Variants in UTP4 observed in about 807,000 individuals in gnomAD.
UTP4 encodes the protein U3 small nucleolar RNA-associated protein 4 homolog.
A neutral mutation model predicts 82.4 loss-of-function variants in UTP4; 45 were observed. That is an observed-to-expected ratio of 0.55 (90% CI 0.43 to 0.70). The LOEUF is 0.70. UTP4 is among the 30% of genes least tolerant of loss of function. UTP4 has a pLI of 0.00. For synonymous variants in UTP4, 348 were observed against 300.3 expected (o/e 1.16, Z -1.64); for missense variants, 819 against 858.3 (o/e 0.95, Z 0.57).
At chr16:69,153,435 T>C (rs1339790486) in intron 8 of UTP4, 149 bp from the exon 9 acceptor site, 1 of 689,228 alleles carries the variant, frequency 1.5e-6, no homozygotes, top group Non-Finnish European at 2.6e-6. Flanking sequence ...CTCAGGGCAG[T>C]GCCTGGCATA....
chr16:69,154,238 C>T (rs1421520331), intron 9 of UTP4, among the ~76,000 whole-genome samples, 155 bp from the exon 10 acceptor site: 2 of 152,266 alleles, frequency 1.3e-5, no homozygotes, highest in East Asian at 3.9e-4. Flanking sequence ...TCTTCATATA[C>T]CCCTCAAAAA....
chr16:69,158,441 G>C (rs1034282071), intron 12 of UTP4, among the ~76,000 whole-genome samples: 12 of 152,004 alleles, frequency 7.9e-5, no homozygotes, highest in Non-Finnish European at 1.6e-4. Context: ...TAGGATTACA[G>C]GTGTGAGTCA....
chr16:69,165,240 A>G, intron 14 of UTP4, 101 bp from the exon 15 acceptor site: 1 of 981,578 alleles, frequency 1.0e-6, no homozygotes, highest in Non-Finnish European at 1.6e-6. Context: ...AATATAATAC[A>G]GTTGAAGCTT....
At chr16:69,168,384 C>T (rs182221159) in intron 16 of UTP4, among the ~76,000 whole-genome samples, 260 of 133,596 alleles carry the variant, frequency 1.9e-3, no homozygotes, top group Middle Eastern at 6.0e-3. Flanking sequence ...TGCCGTGAGC[C>T]GAGATTGCGC....
At chr16:69,138,152 C>T (rs1225634918) in intron 4 of UTP4, 1 of 471,970 alleles carries the variant, frequency 2.1e-6, no homozygotes, top group Non-Finnish European at 3.8e-6. Context: ...TGTTAGTTAT[C>T]ACTTACTTTT....
chr16:69,168,883 T>A lies in UTP4; in HGVS notation c.2007T>A (p.Asp669Glu). The A allele has an allele frequency of 6.2e-7, 1 of 1,614,126 alleles. No individual in the cohort carries two copies. Residue 669 changes from aspartate to glutamate, a missense_variant, in exon 17 of 17, where the codon GAT (aspartate) becomes GAA (glutamate). Coordinates refer to ENST00000314423, the MANE Select transcript of UTP4 (RefSeq NM_032830.3). The part of the protein sequence containing the change: ...RTLVAVERPL[D>E]DIIAQLPPPI... ...TCGTGGCAGTAGAACGGCCTCTGGA[T>A]GACATCATTGCTCAGCTCCCACCAC...
intron 13 of UTP4, among the ~76,000 whole-genome samples, chr16:69,161,415 A>G (rs929319688): frequency 1.3e-5 from 2 of 152,240 alleles, no homozygotes; most frequent in Non-Finnish European, 2.9e-5. Context: ...TTATGGTAGG[A>G]GCATGTACTG....
intron 2 of UTP4, among the ~76,000 whole-genome samples, chr16:69,134,695 T>TC (rs1228455657): frequency 1.3e-5 from 2 of 151,030 alleles, no homozygotes; most frequent in African/African-American, 4.9e-5. Flanking sequence ...TCTTTTTTTT[T>TC]CTTTTTCTTT....
rs993931875 is a variant in UTP4, at chr16:69,150,744, C to T, written c.910+36C>T. On this transcript the variant is annotated intron_variant, in intron 7 of 16. Coordinates refer to ENST00000314423, the MANE Select transcript of UTP4 (RefSeq NM_032830.3). ...CCTCTGGTGAGGCTGCTGCTTTACC[C>T]TGCCCAGTTCTGGCTGTTCTCGTGA... 4 of 1,613,666 alleles carry T rather than the reference C, an allele frequency of 2.5e-6. No individual in the cohort carries two copies. In the African/African-American group the frequency reaches 4.0e-5, roughly 16 times the overall value.
At chr16:69,151,950 A>G (rs1347951405) in intron 8 of UTP4, among the ~76,000 whole-genome samples, 1 of 151,492 alleles carries the variant, frequency 6.6e-6, no homozygotes, top group African/African-American at 2.4e-5. Context: ...TGCCCCATTC[A>G]TTCAAGCAGT....
chr16:69,163,992 C>G (rs998255948), intron 14 of UTP4, among the ~76,000 whole-genome samples: 1 of 150,366 alleles, frequency 6.7e-6, no homozygotes, highest in African/African-American at 2.5e-5. Flanking sequence ...TTCATGTCAT[C>G]CTCCTGCCTC....
Position 69,160,393 on chromosome 16 carries a change from A to G in UTP4, c.1482A>G (p.Pro494=). ...CCATGTGTCTTTTGGCAGTCAGTCC[A>G]GATGGGAATTGGCTAGCTGCATCAG... ...VEAMCLLAVS[P]DGNWLAASGT... The change falls in exon 13 of 17, where the codon CCA becomes CCG. Residue 494 remains proline (P), a synonymous_variant. Transcript: ENST00000314423. 6.2e-7 allele frequency: 1 copy of G among 1,614,166 alleles called. No homozygotes were observed. Among genetic ancestry groups the G allele is most frequent in the Non-Finnish European group, 8.5e-7 (1 of 1,180,010 alleles).
At position 69,150,395 on chromosome 16, in the gene UTP4, G is replaced by A; in HGVS notation, c.739-142G>A. Reference sequence around the variant, plus strand: ...CCTTTGATGGAATCCTTAGCTTCTGGAAGGAAAAGACCCTTGTAACTTTCC... The same window carrying A: ...CCTTTGATGGAATCCTTAGCTTCTGAAAGGAAAAGACCCTTGTAACTTTCC... On this transcript the variant is annotated intron_variant, in intron 6 of 16. Transcript: ENST00000314423. 9 of 942,124 alleles carry A rather than the reference G, an allele frequency of 9.6e-6. No homozygotes were observed. The South Asian group carries it at 1.2e-4, about 12-fold the overall frequency. The allele number at this position is 942,124 out of a possible 1,614,324, so 58.4% of individuals were successfully genotyped here. A position where few individuals can be genotyped will look rare whatever the true frequency, so the allele number is the denominator to read the frequency against.
chr16:69,153,310 C>T (rs985908113), intron 8 of UTP4, among the ~76,000 whole-genome samples: 19 of 152,024 alleles, frequency 1.2e-4, no homozygotes, highest in African/African-American at 3.1e-4. Context: ...TGTGTTTAGC[C>T]GTGTTAAAAT....
chr16:69,135,126 C>G (rs1340072042), intron 2 of UTP4, among the ~76,000 whole-genome samples: 1 of 151,148 alleles, frequency 6.6e-6, no homozygotes, highest in African/African-American at 2.4e-5. Context: ...TTCTTCCATG[C>G]TGAACTTCCA....
chr16:69,153,591 T>A lies in UTP4; in HGVS notation c.1010T>A (p.Leu337His). Residue 337 changes from leucine (L) to histidine (H), a missense_variant, in exon 9 of 17, where the codon CTC (leucine) becomes CAC (histidine). By Grantham distance (99) the Leu-to-His change is moderately conservative (BLOSUM62 -3). Coordinates refer to ENST00000314423, the MANE Select transcript of UTP4 (RefSeq NM_032830.3). ...LRKITFPHRC[L>H]ISCSKKRQLL... ...CTTGATTCTTGGATATAGCGATGTC[T>A]CATCTCCTGTTCTAAAAAGAGGCAG... is the stretch of plus-strand genomic sequence containing the variant. The A allele has an allele frequency of 6.2e-7, 1 of 1,612,318 alleles. No individual in the cohort carries two copies. Among genetic ancestry groups the A allele is most frequent in the Non-Finnish European group, 8.5e-7 (1 of 1,178,814 alleles).
intron 12 of UTP4, among the ~76,000 whole-genome samples, chr16:69,159,720 G>T (rs757291314): frequency 6.6e-5 from 10 of 151,486 alleles, no homozygotes; most frequent in Non-Finnish European, 1.5e-4. Context: ...AGGCACGGTG[G>T]CTCACGCCTG....
At chr16:69,142,540 A>G (rs529010438) in intron 5 of UTP4, among the ~76,000 whole-genome samples, 1 of 152,188 alleles carries the variant, frequency 6.6e-6, no homozygotes, top group East Asian at 1.9e-4. Context: ...TTGAAGCCCC[A>G]CTTACTCCTT....
At chr16:69,151,799 A>G (rs1336784492) in intron 8 of UTP4, among the ~76,000 whole-genome samples, 3 of 150,946 alleles carry the variant, frequency 2.0e-5, no homozygotes, top group African/African-American at 7.3e-5. Flanking sequence ...TTTTCCAAAT[A>G]GTTGTGGGTT....
Sources: allele counts gnomAD v4.1 joint callset (sites outside exome capture counted in the v4.1 genomes callset), GRCh38; gene constraint gnomAD v4.1.1; transcripts MANE v1.5; gene names NCBI Gene and HGNC (gene_info 2026-07-23, HGNC 2026-07-21).